Variants in RAB3GAP1 observed in about 807,000 individuals in gnomAD.
RAB3GAP1 encodes the protein RAB3 GTPase activating protein catalytic subunit 1, also known as rab3 GTPase-activating protein catalytic subunit.
Under a neutral mutation model 130.7 loss-of-function variants are expected in RAB3GAP1, and 86 were observed. The observed-to-expected ratio is 0.66, with a 90% confidence interval of 0.55 to 0.79. The LOEUF (loss-of-function observed/expected upper bound fraction) is 0.79, where lower values mean the gene tolerates loss of function less well. RAB3GAP1 is among the 30% of genes least tolerant of loss of function. The pLI, the probability that RAB3GAP1 is intolerant of heterozygous loss-of-function variation, is 0.00. For synonymous variants in RAB3GAP1, 367 were observed against 401.7 expected (o/e 0.91, Z 1.03); for missense variants, 1,029 against 1,169.4 (o/e 0.88, Z 1.75).
Position 135,169,120 on chromosome 2 carries a change from G to A in RAB3GAP1, c.*339G>A. On this transcript the variant is annotated 3_prime_UTR_variant, in exon 24 of 24. Coordinates refer to ENST00000264158, the MANE Select transcript of RAB3GAP1 (RefSeq NM_012233.3). ...CATTCTCTTCTGTGACCAGCCTCTA[G>A]GCTAGCGGCTGCATTCGTGGTCTGT... 5.0e-6 allele frequency: 2 copies of A among 397,946 alleles called. No homozygotes were observed. The highest frequency in any genetic ancestry group is 1.2e-4 in the East Asian group (2 of 17,332). The allele number at this position is 397,946 out of a possible 1,614,324, so 24.7% of individuals were successfully genotyped here. A position where few individuals can be genotyped will look rare whatever the true frequency, so the allele number is the denominator to read the frequency against.
intron 3 of RAB3GAP1, among the ~76,000 whole-genome samples, chr2:135,073,732 A>T (rs1332961390): frequency 1.3e-5 from 2 of 152,162 alleles, no homozygotes; most frequent in African/African-American, 2.4e-5. Flanking sequence ...GAGGAGGTTA[A>T]TTTGAGGATT....
At chr2:135,061,048 G>T in intron 3 of RAB3GAP1, among the ~76,000 whole-genome samples, 1 of 142,618 alleles carries the variant, frequency 7.0e-6, no homozygotes, top group African/African-American at 2.7e-5. Flanking sequence ...ACTGTCACCT[G>T]CTTTAGAACT....
intron 3 of RAB3GAP1, among the ~76,000 whole-genome samples, chr2:135,077,532 A>G (rs1689665258): frequency 6.6e-6 from 1 of 152,160 alleles, no homozygotes; most frequent in Non-Finnish European, 1.5e-5. Flanking sequence ...TCTCTACCAA[A>G]AAAATCCCCA....
intron 3 of RAB3GAP1, among the ~76,000 whole-genome samples, chr2:135,088,538 AATT>A (rs1482990491): frequency 6.6e-6 from 1 of 151,702 alleles, no homozygotes; most frequent in Non-Finnish European, 1.5e-5. Context: ...AAAATTCAAA[AATT>A]AGCCAGGCGT....
At chr2:135,105,251 C>T (rs1157161550) in intron 5 of RAB3GAP1, among the ~76,000 whole-genome samples, 2 of 137,208 alleles carry the variant, frequency 1.5e-5, no homozygotes, top group Admixed American at 7.2e-5. Context: ...TTCCCCCTCC[C>T]CCTCTCTCCA....
rs911589230 is a variant in RAB3GAP1 at position 135,162,539 on chromosome 2, G to A, written c.2290-16G>A. On this transcript the variant is annotated splice_polypyrimidine_tract_variant and intron_variant, in intron 19 of 23. Coordinates refer to ENST00000264158, the MANE Select transcript of RAB3GAP1 (RefSeq NM_012233.3). ...ACACCTGCGCTGATCATTTGTGTGC[G>A]CTGCACCTCCTTCAGGTGCTGCACT... 17 of 1,599,758 alleles carry A rather than the reference G, an allele frequency of 1.1e-5. No homozygotes were observed. The highest frequency in any genetic ancestry group is 3.3e-5 in the Admixed American group (2 of 59,762).
intron 22 of RAB3GAP1, among the ~76,000 whole-genome samples, chr2:135,163,883 T>A (rs1692545457): frequency 6.6e-6 from 1 of 152,242 alleles, no homozygotes; most frequent in African/African-American, 2.4e-5. Flanking sequence ...GTGTTTGAAT[T>A]TTATGTCTTT....
chr2:135,168,959 G>T lies in RAB3GAP1; in HGVS notation c.*178G>T. On this transcript the variant is annotated 3_prime_UTR_variant, in exon 24 of 24. Transcript: ENST00000264158. ...CCAAGCTTGAGCTGTGTCGTTTCGT[G>T]GAGGGGGCAGCGAGGATGGGCTTGA... The T allele has an allele frequency of 1.5e-6, 1 of 683,136 alleles. No homozygotes were observed. Among genetic ancestry groups the T allele is most frequent in the Non-Finnish European group, 2.6e-6 (1 of 379,266 alleles). 42.3% of individuals were successfully genotyped at this position (683,136 alleles called of 1,614,324 possible). A position where few individuals can be genotyped will look rare whatever the true frequency, so the allele number is the denominator to read the frequency against.
rs1262537870 is a variant in RAB3GAP1, at chr2:135,135,575, T to G, written c.1566T>G (p.Cys522Trp). The G allele has an allele frequency of 1.9e-6, 3 of 1,600,272 alleles. No individual in the cohort carries two copies. Among genetic ancestry groups the G allele is most frequent in the Non-Finnish European group, 2.6e-6 (3 of 1,170,892 alleles). The stretch of plus-strand genomic sequence containing the variant: ...TCTCTTTTCTTAAGATGTTAAATTG[T>G]TGTATTGAAAGAAAGAAGGCACGTG... ...LLHQKLQMLN[C>W]CIERKKARDE... Residue 522 changes from cysteine (C) to tryptophan (W), a missense_variant, in exon 17 of 24, where the codon TGT (cysteine) becomes TGG (tryptophan). By Grantham distance (215) the Cys-to-Trp change is radical. This residue lies in a region of RAB3GAP1 where 373 missense variants were observed against 493.6 expected (regional missense o/e 0.76). Transcript: ENST00000264158.
intron 4 of RAB3GAP1, among the ~76,000 whole-genome samples, chr2:135,093,012 A>G (rs1255691230): frequency 1.3e-5 from 2 of 152,250 alleles, no homozygotes; most frequent in African/African-American, 2.4e-5. Flanking sequence ...AGCAAAATAA[A>G]AAGTATAGAT....
At chr2:135,110,215 C>T (rs1690758437) in intron 5 of RAB3GAP1, among the ~76,000 whole-genome samples, 1 of 151,776 alleles carries the variant, frequency 6.6e-6, no homozygotes, top group Non-Finnish European at 1.5e-5. Flanking sequence ...TTCACTACAG[C>T]CTTGACCTCC....
rs568480162 is a variant in RAB3GAP1 at position 135,070,052 on chromosome 2, G to A, written c.150+11966G>A. 9.1e-4 allele frequency among the ~76,000 whole-genome samples: 138 copies of A among 152,318 alleles called. 1 individual carries two copies. Among genetic ancestry groups the A allele is most frequent in the African/African-American group, 3.0e-3 (123 of 41,566 alleles). Reference sequence around the variant, plus strand: ...TGCCAATGGCCATAAAATGCCATACGATGGGTATTATAATTCATACCCTGT... The same window carrying A: ...TGCCAATGGCCATAAAATGCCATACAATGGGTATTATAATTCATACCCTGT... On this transcript the variant is annotated intron_variant, in intron 3 of 23. Coordinates refer to ENST00000264158, the MANE Select transcript of RAB3GAP1 (RefSeq NM_012233.3).
chr2:135,153,945 C>T, intron 19 of RAB3GAP1, 69 bp downstream of exon 19: 1 of 1,419,090 alleles, frequency 7.0e-7, no homozygotes, highest in Non-Finnish European at 9.9e-7. Flanking sequence ...AACTCACTGT[C>T]ATAGACGTGA....
chr2:135,088,077 C>G (rs893491403), intron 3 of RAB3GAP1, among the ~76,000 whole-genome samples: 12 of 152,148 alleles, frequency 7.9e-5, no homozygotes, highest in African/African-American at 2.4e-4. Context: ...TGAATACAAT[C>G]AGATCTTCCT....
chr2:135,163,200 A>G (rs1337986123), intron 22 of RAB3GAP1, 99 bp downstream of exon 22: 6 of 814,394 alleles, frequency 7.4e-6, no homozygotes, highest in African/African-American at 1.7e-5. Context: ...TTTTGTGGTA[A>G]TCATATATTA....
intron 17 of RAB3GAP1, among the ~76,000 whole-genome samples, chr2:135,141,316 C>T (rs1691832129): frequency 6.7e-6 from 1 of 150,252 alleles, no homozygotes; most frequent in African/African-American, 2.5e-5. Flanking sequence ...CCTGAGTCTT[C>T]CGGGTTCAAG....
intron 6 of RAB3GAP1, 111 bp from the exon 7 acceptor site, chr2:135,115,105 C>T: frequency 3.0e-6 from 3 of 1,011,262 alleles, no homozygotes; most frequent in African/African-American, 1.6e-5. Flanking sequence ...GTTGTGTTTC[C>T]AGTTTAGTGC....
At chr2:135,055,524 A>G (rs969901569) in intron 2 of RAB3GAP1, among the ~76,000 whole-genome samples, 1 of 152,058 alleles carries the variant, frequency 6.6e-6, no homozygotes, top group Non-Finnish European at 1.5e-5. Flanking sequence ...CTAAAAATAC[A>G]AAAGCTAGCT....
chr2:135,058,648 T>C (rs1689087286), intron 3 of RAB3GAP1: 1 of 152,378 alleles, frequency 6.6e-6, no homozygotes, highest in African/African-American at 2.4e-5. Flanking sequence ...CTCTTTGAAA[T>C]TGAGGTAGAA....
Sources: allele counts gnomAD v4.1 joint callset (sites outside exome capture counted in the v4.1 genomes callset), GRCh38; gene constraint gnomAD v4.1.1; regional missense constraint gnomAD v4.1.1; transcripts MANE v1.5; gene names NCBI Gene and HGNC (gene_info 2026-07-23, HGNC 2026-07-21).